Variants in GSE1 observed in about 807,000 individuals in gnomAD.
The protein encoded by GSE1 is Gse1 coiled-coil protein.
GSE1 carries 32 observed loss-of-function variants against 112.6 expected under a neutral mutation model. That is an observed-to-expected ratio of 0.28 (90% CI 0.21 to 0.38). The LOEUF is 0.38. Ranked by LOEUF, GSE1 falls within the 10% of genes least tolerant of loss-of-function variation. The pLI is 1.00. For synonymous variants in GSE1, 1,115 were observed against 735.6 expected (o/e 1.52, Z -8.35); for missense variants, 2,348 against 1,699.2 (o/e 1.38, Z -6.71).
rs1462078772 is a variant in GSE1, at chr16:85,675,490, A to G, written c.*2951A>G. ...TAGTCTACATTCTAATCTTAAAGGA[A>G]TAAAGCACTGAATTGGGACTAACAT... On this transcript the variant is annotated 3_prime_UTR_variant, in exon 16 of 16. Transcript: ENST00000253458. 6.6e-6 allele frequency: 1 copy of G among 152,272 alleles called. No homozygotes were observed. Among genetic ancestry groups the G allele is most frequent in the Non-Finnish European group, 1.5e-5 (1 of 68,056 alleles). The allele number at this position is 152,272 out of a possible 1,614,324, so 9.4% of individuals were successfully genotyped here. A position where few individuals can be genotyped will look rare whatever the true frequency, so the allele number is the denominator to read the frequency against.
At chr16:85,287,204 G>C (rs1307211847) in intron 1 of GSE1, among the ~76,000 whole-genome samples, 1 of 152,226 alleles carries the variant, frequency 6.6e-6, no homozygotes, top group Non-Finnish European at 1.5e-5. Context: ...TGTCAGATCT[G>C]GCTCCTGGAA....
intron 2 of GSE1, among the ~76,000 whole-genome samples, chr16:85,366,750 G>A (rs2047193489): frequency 6.6e-6 from 1 of 152,236 alleles, no homozygotes; most frequent in Admixed American, 6.5e-5. Context: ...AAAAAGAAAA[G>A]AGAATTTAAC....
intron 1 of GSE1, among the ~76,000 whole-genome samples, chr16:85,245,838 CT>C (rs564111754): frequency 1.1e-3 from 174 of 152,130 alleles, no homozygotes; most frequent in African/African-American, 4.0e-3. Flanking sequence ...CAACCCTGAA[CT>C]TTCCTGGTCC....
At chr16:85,221,170 T>G (rs1249071340) in intron 1 of GSE1, among the ~76,000 whole-genome samples, 1 of 151,894 alleles carries the variant, frequency 6.6e-6, no homozygotes. Context: ...ACAGGCCTCA[T>G]GGTCACAGGG....
At chr16:85,530,567 G>A (rs1316443550) in intron 2 of GSE1, among the ~76,000 whole-genome samples, 1 of 152,204 alleles carries the variant, frequency 6.6e-6, no homozygotes, top group Non-Finnish European at 1.5e-5. Context: ...AAATCCCGCT[G>A]GAGCCCAGCC....
At chr16:85,581,657 T>G (rs1245397772) in intron 1 of GSE1, among the ~76,000 whole-genome samples, 5 of 152,116 alleles carry the variant, frequency 3.3e-5, no homozygotes, top group Non-Finnish European at 7.4e-5. Context: ...AGAGACAGGT[T>G]TGGTCCAGCA....
At chr16:85,662,792 G>A (rs796359278) in intron 9 of GSE1, 189 bp from the exon 10 acceptor site, 44 of 564,198 alleles carry the variant, frequency 7.8e-5, no homozygotes, top group African/African-American at 6.8e-4. Flanking sequence ...TGGTGTCTGC[G>A]GTCCTGCAAA....
chr16:85,244,334 G>A (rs939128906), intron 1 of GSE1, among the ~76,000 whole-genome samples: 1 of 152,156 alleles, frequency 6.6e-6, no homozygotes, highest in African/African-American at 2.4e-5. Context: ...AAGGGATGTA[G>A]GTGGCTTCTA....
chr16:85,436,380 T>C (rs1185888091), intron 2 of GSE1, among the ~76,000 whole-genome samples: 1 of 152,190 alleles, frequency 6.6e-6, no homozygotes, highest in Non-Finnish European at 1.5e-5. Flanking sequence ...ATCCTAGCCC[T>C]GAGTCCAGCC....
At chr16:85,426,447 A>C (rs1226635443) in intron 2 of GSE1, among the ~76,000 whole-genome samples, 2 of 103,668 alleles carry the variant, frequency 1.9e-5, no homozygotes, top group African/African-American at 7.6e-5. Flanking sequence ...GGTGGAAGGA[A>C]GGAAGGAAGG....
At chr16:85,281,759 G>A (rs546222932) in intron 1 of GSE1, among the ~76,000 whole-genome samples, 1 of 152,296 alleles carries the variant, frequency 6.6e-6, no homozygotes, top group South Asian at 2.1e-4. Flanking sequence ...GTGATGGGGT[G>A]GGAGGATGGA....
intron 1 of GSE1, among the ~76,000 whole-genome samples, chr16:85,219,776 G>A (rs888101571): frequency 1.3e-5 from 2 of 152,148 alleles, no homozygotes; most frequent in African/African-American, 4.8e-5. Flanking sequence ...ACAGCCCCAT[G>A]ACTATGGGAC....
chr16:85,220,365 G>A (rs981080293), intron 1 of GSE1, among the ~76,000 whole-genome samples: 4 of 152,306 alleles, frequency 2.6e-5, no homozygotes, highest in Admixed American at 2.6e-4. Flanking sequence ...GGCAAGCGAG[G>A]CTCCAAGCCG....
At chr16:85,362,658 A>G (rs1319332555) in intron 2 of GSE1, among the ~76,000 whole-genome samples, 1 of 152,154 alleles carries the variant, frequency 6.6e-6, no homozygotes, top group Non-Finnish European at 1.5e-5. Context: ...TGCAGGTTGC[A>G]CACTGCACAA....
At chr16:85,647,624 G>A (rs751325006) in intron 2 of GSE1, among the ~76,000 whole-genome samples, 6 of 152,144 alleles carry the variant, frequency 3.9e-5, no homozygotes, top group Non-Finnish European at 7.3e-5. Context: ...GTCTCGCTCT[G>A]TCGCCAGGCT....
intron 2 of GSE1, among the ~76,000 whole-genome samples, chr16:85,636,924 A>ACC (rs1023706149): frequency 1.4e-5 from 2 of 147,172 alleles, no homozygotes; most frequent in Non-Finnish European, 3.0e-5. Context: ...CCCCTGTGCT[A>ACC]CCCCCCCAGC....
intron 2 of GSE1, among the ~76,000 whole-genome samples, chr16:85,517,941 C>T (rs1331900128): frequency 6.6e-6 from 1 of 152,250 alleles, no homozygotes; most frequent in Non-Finnish European, 1.5e-5. Context: ...CCCCTCTCCC[C>T]TCCAAGGTTT....
At chr16:85,275,281 G>A (rs1909245058) in intron 1 of GSE1, among the ~76,000 whole-genome samples, 2 of 152,178 alleles carry the variant, frequency 1.3e-5, no homozygotes, top group South Asian at 2.1e-4. Flanking sequence ...AATAGCCCCC[G>A]TTCCTCCACA....
chr16:85,607,243 C>T (rs1182728542), upstream of GSE1, among the ~76,000 whole-genome samples: 1 of 152,132 alleles, frequency 6.6e-6, no homozygotes, highest in Non-Finnish European at 1.5e-5. Context: ...TTTCAGGTTT[C>T]CCCGCTCCAG....
Sources: gnomAD v4.1 joint callset for allele counts (sites outside exome capture counted in the v4.1 genomes callset) on GRCh38, gnomAD v4.1.1 for gene constraint, MANE v1.5 for transcripts, NCBI Gene and HGNC (gene_info 2026-07-23, HGNC 2026-07-21) for gene names.